SIM1: variants seen among roughly 807,000 people sequenced by gnomAD.
SIM1 encodes single-minded homolog 1.
In SIM1, 18 loss-of-function variants were observed where a neutral mutation model predicts 78.2. The observed-to-expected ratio is 0.23, with a 90% CI of 0.16 to 0.34. The LOEUF is 0.34. Ranked by LOEUF, SIM1 falls within the 10% of genes least tolerant of loss-of-function variation. SIM1 has a pLI of 1.00. For synonymous variants in SIM1, 417 were observed against 385.2 expected (o/e 1.08, Z -0.97); for missense variants, 939 against 975.1 (o/e 0.96, Z 0.49).
intron 9 of SIM1, among the ~76,000 whole-genome samples, chr6:100,424,837 C>T (rs1771684600): frequency 6.6e-6 from 1 of 152,160 alleles, no homozygotes; most frequent in South Asian, 2.1e-4. Flanking sequence ...TCATATCCTA[C>T]CTTCCAAACT....
Position 100,389,446 on chromosome 6 carries a change from G to C in SIM1, c.*915C>G. ...ATTGGTCTTTTTTCTGGGTGAATTGGTTTGAATTTTTTATTTAGTTGGTTT... is the reference window on the plus strand; with the variant it reads ...ATTGGTCTTTTTTCTGGGTGAATTGCTTTGAATTTTTTATTTAGTTGGTTT... On this transcript the variant is annotated 3_prime_UTR_variant, in exon 12 of 12. Coordinates refer to ENST00000369208, the MANE Select transcript of SIM1 (RefSeq NM_005068.3). 2.5e-6 allele frequency: 1 copy of C among 395,366 alleles called. No individual in the cohort carries two copies. The highest frequency in any genetic ancestry group is 3.6e-5 in the East Asian group (1 of 27,992). The allele number at this position is 395,366 out of a possible 1,614,324, so 24.5% of individuals were successfully genotyped here.
chr6:100,454,400 T>C (rs555648511), intron 2 of SIM1, among the ~76,000 whole-genome samples: 91 of 152,232 alleles, frequency 6.0e-4, no homozygotes, highest in African/African-American at 2.0e-3. Flanking sequence ...GAAAAATTAG[T>C]TCCCTGGCGG....
chr6:100,410,304 C>T (rs776907963), intron 10 of SIM1, among the ~76,000 whole-genome samples: 2 of 152,146 alleles, frequency 1.3e-5, no homozygotes, highest in Non-Finnish European at 2.9e-5. Flanking sequence ...CTCCTCTCTT[C>T]TTTTAAGCTG....
At chr6:100,436,732 TG>T (rs1772060745) in intron 9 of SIM1, among the ~76,000 whole-genome samples, 1 of 148,588 alleles carries the variant, frequency 6.7e-6, no homozygotes, top group Non-Finnish European at 1.5e-5. Flanking sequence ...TTTTTGTTTT[TG>T]TTTTTGGTAT....
At chr6:100,404,523 A>G (rs1489247783) in intron 10 of SIM1, among the ~76,000 whole-genome samples, 2 of 152,154 alleles carry the variant, frequency 1.3e-5, no homozygotes, top group Non-Finnish European at 2.9e-5. Flanking sequence ...GAACATATGC[A>G]TGCTTTTAAA....
chr6:100,455,334 G>T lies in SIM1; in HGVS notation c.176-1490C>A, dbSNP rs114904203. 1.0e-3 allele frequency among the ~76,000 whole-genome samples: 159 copies of T among 152,144 alleles called. 3 individuals are homozygous for T. The highest frequency in any genetic ancestry group is 3.7e-3 in the African/African-American group (155 of 41,494). Reference sequence around the variant, plus strand: ...TCAACTCATCCCGACTCTTTAGCCCGCCCGAGGTTTCCTCCCCGGAGTGAC... The same window carrying T: ...TCAACTCATCCCGACTCTTTAGCCCTCCCGAGGTTTCCTCCCCGGAGTGAC... On this transcript the variant is annotated intron_variant, in intron 2 of 11. Transcript: ENST00000369208.
At chr6:100,460,500 T>C (rs1226921314) in intron 2 of SIM1, among the ~76,000 whole-genome samples, 2 of 152,236 alleles carry the variant, frequency 1.3e-5, no homozygotes, top group South Asian at 2.1e-4. Flanking sequence ...ATAAAATCCA[T>C]ATATTACCTG....
At chr6:100,434,270 G>A (rs1771982740) in intron 9 of SIM1, among the ~76,000 whole-genome samples, 1 of 152,172 alleles carries the variant, frequency 6.6e-6, no homozygotes, top group East Asian at 1.9e-4. Flanking sequence ...CCCTGCAAGG[G>A]TCCATTACCC....
rs529427195 is a variant in SIM1 at position 100,425,399 on chromosome 6, C to G, written c.999-4441G>C. Among the ~76,000 whole-genome samples, 35 of 152,216 alleles carry G rather than the reference C, an allele frequency of 2.3e-4. No homozygotes were observed. The South Asian group carries it at 7.3e-3, about 32-fold the overall frequency. On this transcript the variant is annotated intron_variant, in intron 9 of 11. Transcript: ENST00000369208. Reference sequence around the variant, plus strand: ...GCCAGAATACTTTTTAAGGTAAATTCTTTATTGCTAAGTTAGCAAATGGGG... The same window carrying G: ...GCCAGAATACTTTTTAAGGTAAATTGTTTATTGCTAAGTTAGCAAATGGGG...
rs777597365 is a variant in SIM1, at chr6:100,448,476, C to T, written c.743+3G>A. The T allele has an allele frequency of 3.1e-6, 5 of 1,613,400 alleles. No individual in the cohort carries two copies. The African/African-American group carries it at 5.3e-5, about 17-fold the overall frequency. ...GAGGCCCTTTCCGGCCCTGCCCACC[C>T]ACCTGGAGTCCAGAAAGATGAGCTT... is the stretch of plus-strand genomic sequence containing the variant. On this transcript the variant is annotated splice_donor_region_variant and intron_variant, in intron 7 of 11. Coordinates refer to ENST00000369208, the MANE Select transcript of SIM1 (RefSeq NM_005068.3).
chr6:100,463,236 C>G lies in SIM1; in HGVS notation c.175+58G>C. ...TCTGGTCACTGATGTCGGCTCATTG[C>G]CTGGCAAATCCCCGGCCCCTTCTGC... is the stretch of plus-strand genomic sequence containing the variant. On this transcript the variant is annotated intron_variant, in intron 2 of 11. Transcript: ENST00000369208. 14 of 1,481,544 alleles carry G rather than the reference C, an allele frequency of 9.4e-6. No homozygotes were observed. The South Asian group carries it at 1.7e-4, about 18-fold the overall frequency. 91.8% of individuals were successfully genotyped at this position (1,481,544 alleles called of 1,614,324 possible).
intron 3 of SIM1, among the ~76,000 whole-genome samples, chr6:100,452,923 G>A (rs1435024372): frequency 6.6e-6 from 1 of 152,140 alleles, no homozygotes; most frequent in Non-Finnish European, 1.5e-5. Flanking sequence ...TGCCACTCAT[G>A]CCAGCCCACA....
chr6:100,412,542 GAAAGAAAGAAAGAAAAGAAAGAAAGAAA>G (rs1771218695), intron 10 of SIM1, among the ~76,000 whole-genome samples: 4 of 70,656 alleles, frequency 5.7e-5, no homozygotes, highest in African/African-American at 2.2e-4. Context: ...GTCTAAGAAA[GAAAGAAAGAAAGAAAAGAAAGAAAGAAA>G]GAAAGAAAGA....
intron 9 of SIM1, among the ~76,000 whole-genome samples, chr6:100,446,323 C>T (rs1394319249): frequency 6.6e-6 from 1 of 152,164 alleles, no homozygotes; most frequent in Non-Finnish European, 1.5e-5. Context: ...TAGCATTCTA[C>T]TAAGTGCCTG....
chr6:100,411,865 T>C (rs1316359235), intron 10 of SIM1, among the ~76,000 whole-genome samples: 2 of 151,746 alleles, frequency 1.3e-5, no homozygotes, highest in African/African-American at 4.8e-5. Context: ...TTTTGAAAAA[T>C]AGGGGCAATG....
At chr6:100,416,531 G>A (rs890985089) in intron 10 of SIM1, among the ~76,000 whole-genome samples, 1 of 151,878 alleles carries the variant, frequency 6.6e-6, no homozygotes, top group Non-Finnish European at 1.5e-5. Flanking sequence ...ATTTTGATGA[G>A]AATTTGCATG....
rs185309832 is a variant in SIM1 at position 100,434,520 on chromosome 6, C to G, written c.998+12748G>C. Among the ~76,000 whole-genome samples the G allele has an allele frequency of 3.9e-4, 60 of 152,286 alleles. No individual in the cohort carries two copies. The East Asian group carries it at 0.011, about 28-fold the overall frequency. ...ACAAGTGAAGCTCCTGGTTCAGTCA[C>G]AAGAACACGTTATAGTCATTACAAG... On this transcript the variant is annotated intron_variant, in intron 9 of 11. Coordinates refer to ENST00000369208, the MANE Select transcript of SIM1 (RefSeq NM_005068.3).
At chr6:100,429,747 A>C (rs1486905303) in intron 9 of SIM1, among the ~76,000 whole-genome samples, 1 of 152,216 alleles carries the variant, frequency 6.6e-6, no homozygotes, top group African/African-American at 2.4e-5. Flanking sequence ...TCTTTGTAAA[A>C]AAACACTAAT....
At chr6:100,396,219 T>C (rs3778037) in intron 10 of SIM1, 75,155 of 215,508 alleles carry the variant, frequency 0.35, 14,069 homozygotes, top group East Asian at 0.75. Context: ...GTACCATCCA[T>C]GTGCTTGCCT....
Sources: allele counts gnomAD v4.1 joint callset (sites outside exome capture counted in the v4.1 genomes callset), GRCh38; gene constraint gnomAD v4.1.1; transcripts MANE v1.5; gene names NCBI Gene and HGNC (gene_info 2026-07-23, HGNC 2026-07-21).